NFIB: variants seen among roughly 807,000 people sequenced by gnomAD.
NFIB encodes nuclear factor 1 B-type.
Under a neutral mutation model 61.5 loss-of-function variants are expected in NFIB, and 11 were observed. The ratio of observed to expected loss-of-function variants is 0.18; its 90% CI spans 0.11 to 0.30. The LOEUF (loss-of-function observed/expected upper bound fraction) is 0.30, where lower values mean the gene tolerates loss of function less well. Ranked by LOEUF, NFIB falls within the 10% of genes least tolerant of loss-of-function variation. The probability of loss-of-function intolerance (pLI) is 1.00; values close to 1 mark genes in which losing one functional copy is unlikely to be tolerated. For synonymous variants in NFIB, 260 were observed against 216.5 expected (o/e 1.20, Z -1.76); for missense variants, 471 against 608.9 (o/e 0.77, Z 2.38).
At chr9:14,094,163 C>G (rs954207747) in intron 10 of NFIB, 1 of 151,964 alleles carries the variant, frequency 6.6e-6, no homozygotes, top group African/African-American at 2.4e-5. Flanking sequence ...GTATTTCTAC[C>G]CACTAAACTT....
rs545499291 is a variant in NFIB at position 14,373,795 on chromosome 9, G to A, written c.108+24729C>T. On this transcript the variant is annotated intron_variant, in intron 1 of 8. Coordinates refer to the NFIB transcript ENST00000380934. ...TTGGGGGAATCTTATCTAACATTTG[G>A]GGAGAGTTTAGGAAGGGCAGATCCA... Among the ~76,000 whole-genome samples, 12 of 152,142 alleles carry A rather than the reference G, an allele frequency of 7.9e-5. No homozygotes were observed. The South Asian group carries it at 2.3e-3, about 29-fold the overall frequency.
At chr9:14,134,316 T>A (rs1468196292) in intron 6 of NFIB, among the ~76,000 whole-genome samples, 2 of 152,172 alleles carry the variant, frequency 1.3e-5, no homozygotes, top group Admixed American at 6.5e-5. Flanking sequence ...ACATAAGATT[T>A]AACTTAGTAA....
At chr9:14,517,255 G>A in the NFIB span, among the ~76,000 whole-genome samples, 1 of 152,192 alleles carries the variant, frequency 6.6e-6, no homozygotes, top group Non-Finnish European at 1.5e-5. Context: ...GAATGCAGGA[G>A]CAATTCAAGT....
chr9:14,100,353 T>C lies in NFIB; in HGVS notation c.1468-12027A>G, dbSNP rs539789036. Reference sequence around the variant, plus strand: ...CATCAGATTCATTTCCTCCAATACATGTGTTCTGAGATTTATTGCCCACTC... The same window carrying C: ...CATCAGATTCATTTCCTCCAATACACGTGTTCTGAGATTTATTGCCCACTC... On this transcript the variant is annotated intron_variant, in intron 10 of 10. Transcript: ENST00000380953. 7.2e-5 allele frequency among the ~76,000 whole-genome samples: 11 copies of C among 152,306 alleles called. No individual in the cohort carries two copies. In the South Asian group the frequency reaches 1.4e-3, roughly 20 times the overall value.
At chr9:14,408,658 C>A in the NFIB span, among the ~76,000 whole-genome samples, 2 of 151,886 alleles carry the variant, frequency 1.3e-5, no homozygotes, top group Middle Eastern at 3.2e-3. Flanking sequence ...ATGGGTACAA[C>A]GAAAGTTGGA....
the NFIB span, among the ~76,000 whole-genome samples, chr9:14,447,390 G>A: frequency 6.6e-6 from 1 of 152,128 alleles, no homozygotes; most frequent in Non-Finnish European, 1.5e-5. Context: ...TTGGAAAGAA[G>A]ATGTGTTCTT....
chr9:14,397,309 G>A (rs1276970113), intron 1 of NFIB, among the ~76,000 whole-genome samples: 2 of 152,124 alleles, frequency 1.3e-5, no homozygotes, highest in Non-Finnish European at 2.9e-5. Context: ...CTGTGTTTCA[G>A]GTAAATATGC....
chr9:14,134,285 T>C (rs924209834), intron 6 of NFIB, among the ~76,000 whole-genome samples: 1 of 152,184 alleles, frequency 6.6e-6, no homozygotes, highest in African/African-American at 2.4e-5. Flanking sequence ...TGCCAATATT[T>C]ACCAAAAGCC....
chr9:14,101,729 T>A (rs1176159292), intron 10 of NFIB, among the ~76,000 whole-genome samples: 9 of 152,242 alleles, frequency 5.9e-5, no homozygotes, highest in Admixed American at 4.6e-4. Context: ...ATACTTACTT[T>A]CTAAAGGCAA....
chr9:14,157,452 G>GT (rs1256506685), intron 3 of NFIB, among the ~76,000 whole-genome samples: 2 of 152,144 alleles, frequency 1.3e-5, no homozygotes, highest in African/African-American at 4.8e-5. Context: ...AGAGGAAGTT[G>GT]TAAGATCTCA....
chr9:14,411,251 G>T, the NFIB span, among the ~76,000 whole-genome samples: 183 of 152,242 alleles, frequency 1.2e-3, 1 homozygote, highest in African/African-American at 4.2e-3. Flanking sequence ...TAGCAATTTT[G>T]GTTGGTCATC....
At chr9:14,296,829 G>A (rs1190425887) in intron 2 of NFIB, among the ~76,000 whole-genome samples, 3 of 152,206 alleles carry the variant, frequency 2.0e-5, no homozygotes, top group East Asian at 3.8e-4. Flanking sequence ...AAGGCAGAAG[G>A]GGGATATGCT....
intron 1 of NFIB, among the ~76,000 whole-genome samples, chr9:14,343,748 A>G (rs546689345): frequency 1.9e-4 from 27 of 138,506 alleles, no homozygotes; most frequent in African/African-American, 6.8e-4. Flanking sequence ...AGAGAGAGGG[A>G]GTGAGAGAAA....
At chr9:14,343,833 CG>C (rs112857839) in intron 1 of NFIB, among the ~76,000 whole-genome samples, 35,628 of 87,550 alleles carry the variant, frequency 0.41, 7,316 homozygotes, top group African/African-American at 0.67. Context: ...AAGGGGGGGT[CG>C]GGGGGGGAAG....
At chr9:14,238,282 C>A (rs2054003933) in intron 2 of NFIB, among the ~76,000 whole-genome samples, 1 of 151,968 alleles carries the variant, frequency 6.6e-6, no homozygotes, top group African/African-American at 2.4e-5. Flanking sequence ...GAGTGACTCA[C>A]TGGGGAGAGG....
intron 1 of NFIB, among the ~76,000 whole-genome samples, chr9:14,346,292 C>CCCCCA (rs2061020039): frequency 8.0e-6 from 1 of 125,378 alleles, no homozygotes; most frequent in Non-Finnish European, 1.7e-5. Flanking sequence ...TAACCGACAC[C>CCCCCA]CCCCCCCCGT....
the NFIB span, among the ~76,000 whole-genome samples, chr9:14,483,512 G>A: frequency 6.6e-6 from 1 of 152,016 alleles, no homozygotes; most frequent in African/African-American, 2.4e-5. Flanking sequence ...CAGGCTTTGG[G>A]GTCAGACATC....
chr9:14,490,870 A>G, the NFIB span, among the ~76,000 whole-genome samples: 1 of 152,200 alleles, frequency 6.6e-6, no homozygotes, highest in African/African-American at 2.4e-5. Context: ...ACAATACTCT[A>G]GATATATATT....
At chr9:14,443,112 G>A in the NFIB span, among the ~76,000 whole-genome samples, 2 of 145,966 alleles carry the variant, frequency 1.4e-5, no homozygotes, top group Non-Finnish European at 3.0e-5. Context: ...GTGGGAGGCC[G>A]ACTCACAGAG....
Sources: gnomAD v4.1 joint callset for allele counts (sites outside exome capture counted in the v4.1 genomes callset) on GRCh38, gnomAD v4.1.1 for gene constraint, MANE v1.5 for transcripts, NCBI Gene and HGNC (gene_info 2026-07-23, HGNC 2026-07-21) for gene names.